KHDRBS2: variants seen among roughly 807,000 people sequenced by gnomAD.
The protein encoded by KHDRBS2 is KH domain-containing, RNA-binding, signal transduction-associated protein 2.
In KHDRBS2, 26 loss-of-function variants were observed where a neutral mutation model predicts 44.3. That is an observed-to-expected ratio of 0.59 (90% CI 0.43 to 0.81). KHDRBS2 has a LOEUF of 0.81. Among genes scored for constraint, KHDRBS2 ranks in the 40% least tolerant of loss-of-function variants. The pLI is 0.00. For missense variants in KHDRBS2, 476 were observed against 433.1 expected, an observed-to-expected ratio of 1.10 and a Z score of -0.88; for synonymous variants, 194 against 151.1, an observed-to-expected ratio of 1.28 and a Z score of -2.08.
intron 1 of KHDRBS2, among the ~76,000 whole-genome samples, chr6:62,228,117 C>A (rs1178051057): frequency 6.6e-6 from 1 of 152,084 alleles, no homozygotes; most frequent in African/African-American, 2.4e-5. Flanking sequence ...CCTCTTTGTA[C>A]CCCTGGTAGA....
At chr6:61,686,919 G>C (rs1209905337) in intron 8 of KHDRBS2, among the ~76,000 whole-genome samples, 2 of 151,348 alleles carry the variant, frequency 1.3e-5, no homozygotes, top group Admixed American at 6.6e-5. Context: ...GAGATTTACT[G>C]TAGTTTTAAT....
At chr6:61,661,954 A>G in the KHDRBS2 span, among the ~76,000 whole-genome samples, 1 of 151,422 alleles carries the variant, frequency 6.6e-6, no homozygotes, top group African/African-American at 2.4e-5. Flanking sequence ...ATCCTAAGCC[A>G]AAAGAACAAA....
chr6:61,826,710 T>A (rs1331785692), intron 6 of KHDRBS2, among the ~76,000 whole-genome samples: 2 of 152,142 alleles, frequency 1.3e-5, no homozygotes, highest in Non-Finnish European at 2.9e-5. Flanking sequence ...TTTAAAATAA[T>A]AGGATGATTC....
chr6:61,824,380 C>A (rs555053078), intron 6 of KHDRBS2, among the ~76,000 whole-genome samples: 1 of 152,122 alleles, frequency 6.6e-6, no homozygotes, highest in Non-Finnish European at 1.5e-5. Flanking sequence ...TGCTCTCTCT[C>A]TCTCTCCTGC....
intron 6 of KHDRBS2, among the ~76,000 whole-genome samples, chr6:61,774,821 T>C (rs1387781840): frequency 3.3e-5 from 5 of 152,074 alleles, no homozygotes; most frequent in South Asian, 2.1e-4. Flanking sequence ...TACCAAAGCC[T>C]GGCAGAGACA....
intron 1 of KHDRBS2, among the ~76,000 whole-genome samples, chr6:62,234,168 T>C (rs1833334561): frequency 6.6e-6 from 1 of 152,160 alleles, no homozygotes; most frequent in South Asian, 2.1e-4. Context: ...AACAGCACCC[T>C]TCTATGCTTT....
chr6:61,997,709 G>A (rs1009393606), intron 3 of KHDRBS2, among the ~76,000 whole-genome samples: 1 of 152,122 alleles, frequency 6.6e-6, no homozygotes, highest in Non-Finnish European at 1.5e-5. Flanking sequence ...GATATAGTGA[G>A]CAGCATCATA....
rs1453341326 is a variant in KHDRBS2 at position 61,841,105 on chromosome 6, G to C, written c.810+53530C>G. ...CTAATACTAATAAAAAGAAAAGAAA[G>C]CTTTCTTATTTTTAAGGTAAATTAA... On this transcript the variant is annotated intron_variant, in intron 6 of 8. Transcript: ENST00000281156. Among the ~76,000 whole-genome samples, 10 of 152,186 alleles carry C rather than the reference G, an allele frequency of 6.6e-5. No homozygotes were observed. The East Asian group carries it at 1.9e-3, about 29-fold the overall frequency.
chr6:61,549,732 C>A, the KHDRBS2 span, among the ~76,000 whole-genome samples: 11 of 152,010 alleles, frequency 7.2e-5, no homozygotes, highest in Non-Finnish European at 1.3e-4. Flanking sequence ...TGATAAGTAA[C>A]CTTTTCAGAT....
the KHDRBS2 span, among the ~76,000 whole-genome samples, chr6:61,569,671 T>C: frequency 6.6e-6 from 1 of 152,292 alleles, no homozygotes; most frequent in Non-Finnish European, 1.5e-5. Context: ...ACAGAGTCCA[T>C]GGCACTCTCC....
intron 1 of KHDRBS2, among the ~76,000 whole-genome samples, chr6:62,192,166 T>G (rs1283679386): frequency 6.6e-6 from 1 of 152,090 alleles, no homozygotes; most frequent in East Asian, 1.9e-4. Context: ...AGATCTGATA[T>G]TGATATAAAA....
At chr6:61,923,346 T>A (rs1335734325) in intron 4 of KHDRBS2, among the ~76,000 whole-genome samples, 1 of 150,272 alleles carries the variant, frequency 6.7e-6, no homozygotes, top group East Asian at 1.9e-4. Context: ...TGGACTATTA[T>A]AACTATGCCA....
chr6:61,957,718 C>G (rs1178333031), intron 4 of KHDRBS2, among the ~76,000 whole-genome samples: 4 of 152,128 alleles, frequency 2.6e-5, no homozygotes, highest in Non-Finnish European at 5.9e-5. Context: ...TGCCCCAGTC[C>G]TATGGTCCTG....
In KHDRBS2 at chr6:61,950,689, G is replaced by A. The variant is rs575168991; in HGVS notation, c.483+27377C>T. On this transcript the variant is annotated intron_variant, in intron 4 of 8. Coordinates refer to ENST00000281156, the MANE Select transcript of KHDRBS2 (RefSeq NM_152688.4). Reference sequence around the variant, plus strand: ...CAATGCATAAAACGAGGTATCTCCTGAGGAATTTAAGTGATATTTTCCTGA... The same window carrying A: ...CAATGCATAAAACGAGGTATCTCCTAAGGAATTTAAGTGATATTTTCCTGA... 3.9e-5 allele frequency among the ~76,000 whole-genome samples: 6 copies of A among 152,156 alleles called. 1 individual carries two copies. The South Asian group carries it at 8.3e-4, about 21-fold the overall frequency.
the KHDRBS2 span, among the ~76,000 whole-genome samples, chr6:61,582,303 CA>C: frequency 2.6e-5 from 4 of 151,166 alleles, no homozygotes; most frequent in African/African-American, 9.7e-5. Flanking sequence ...ATGATACAAG[CA>C]AAAAAGCCTA....
intron 6 of KHDRBS2, among the ~76,000 whole-genome samples, chr6:61,777,905 AAT>A (rs1782347328): frequency 6.6e-6 from 1 of 152,090 alleles, no homozygotes; most frequent in African/African-American, 2.4e-5. Context: ...TTGTAAAGGT[AAT>A]CTTGTGTCAC....
the KHDRBS2 span, among the ~76,000 whole-genome samples, chr6:61,628,965 A>G: frequency 6.6e-6 from 1 of 152,234 alleles, no homozygotes; most frequent in Non-Finnish European, 1.5e-5. Context: ...TAATTAGTAC[A>G]GTCAAGTCTG....
At chr6:61,896,925 A>T (rs1803034494) in intron 5 of KHDRBS2, among the ~76,000 whole-genome samples, 1 of 151,712 alleles carries the variant, frequency 6.6e-6, no homozygotes, top group Admixed American at 6.6e-5. Context: ...GACTTTTATG[A>T]CTCTGCTTTT....
chr6:61,968,786 C>CT (rs952110215), intron 4 of KHDRBS2, among the ~76,000 whole-genome samples: 2 of 151,900 alleles, frequency 1.3e-5, no homozygotes, highest in Non-Finnish European at 2.9e-5. Context: ...TGATCAGGCC[C>CT]TTTTTTGTTG....
Sources: gnomAD v4.1 joint callset for allele counts (sites outside exome capture counted in the v4.1 genomes callset) on GRCh38, gnomAD v4.1.1 for gene constraint, MANE v1.5 for transcripts, NCBI Gene and HGNC (gene_info 2026-07-23, HGNC 2026-07-21) for gene names.